Variants in PCBP3 observed in about 807,000 individuals in gnomAD.
PCBP3 encodes the protein poly(rC)-binding protein 3.
Under a neutral mutation model 52.7 loss-of-function variants are expected in PCBP3, and 25 were observed. The observed-to-expected ratio is 0.47, with a 90% CI of 0.35 to 0.66. The LOEUF (loss-of-function observed/expected upper bound fraction) is 0.66. Among genes scored for constraint, PCBP3 ranks in the 30% least tolerant of loss-of-function variants. The probability of loss-of-function intolerance (pLI) is 0.01; values close to 1 mark genes in which losing one functional copy is unlikely to be tolerated. For missense variants in PCBP3, 391 were observed against 490.3 expected (o/e 0.80, Z 1.91); for synonymous variants, 162 against 183.0 (o/e 0.89, Z 0.93).
At chr21:45,769,685 C>G (rs2089692534) in intron 4 of PCBP3, among the ~76,000 whole-genome samples, 1 of 152,222 alleles carries the variant, frequency 6.6e-6, no homozygotes, top group Non-Finnish European at 1.5e-5. Flanking sequence ...TCTCTGGGGT[C>G]CTAAAGTCCT....
intron 4 of PCBP3, among the ~76,000 whole-genome samples, chr21:45,790,437 G>T (rs1000467474): frequency 6.6e-6 from 1 of 152,192 alleles, no homozygotes; most frequent in African/African-American, 2.4e-5. Flanking sequence ...AGAGCAGTGA[G>T]CACACAGTTG....
chr21:45,787,216 AGGAT>A (rs2091223724), intron 4 of PCBP3, among the ~76,000 whole-genome samples: 1 of 152,186 alleles, frequency 6.6e-6, no homozygotes, highest in African/African-American at 2.4e-5. Context: ...GTAATTCATT[AGGAT>A]AACAGCTGGA....
chr21:45,767,601 G>T (rs541515751), intron 4 of PCBP3, among the ~76,000 whole-genome samples: 35 of 152,338 alleles, frequency 2.3e-4, no homozygotes, highest in African/African-American at 7.9e-4. Flanking sequence ...CCACCAGACC[G>T]TTTTCCACAG....
chr21:45,918,320 C>G (rs962103859), intron 13 of PCBP3: 7 of 107,558 alleles, frequency 6.5e-5, no homozygotes, highest in African/African-American at 1.9e-4. Flanking sequence ...AAGTTACCCT[C>G]AGATAAACGG....
At chr21:45,849,771 G>A (rs1049768691) in intron 4 of PCBP3, among the ~76,000 whole-genome samples, 190 bp from the exon 5 acceptor site, 1 of 152,190 alleles carries the variant, frequency 6.6e-6, no homozygotes, top group South Asian at 2.1e-4. Context: ...TTGGGGTGTT[G>A]GGGGGAAGAG....
intron 3 of PCBP3, among the ~76,000 whole-genome samples, chr21:45,746,721 TTG>T (rs1399828483): frequency 2.3e-5 from 1 of 44,232 alleles, no homozygotes; most frequent in Non-Finnish European, 4.5e-5. Flanking sequence ...GCACACGGTG[TTG>T]TGTCAGCATC....
chr21:45,713,884 T>C (rs761983969), intron 2 of PCBP3, among the ~76,000 whole-genome samples: 1 of 152,348 alleles, frequency 6.6e-6, no homozygotes, highest in Middle Eastern at 3.4e-3. Flanking sequence ...GCATGCAATA[T>C]TTTATTGTTG....
chr21:45,710,416 T>C (rs1162382997), intron 2 of PCBP3, among the ~76,000 whole-genome samples: 1 of 152,216 alleles, frequency 6.6e-6, no homozygotes, highest in Non-Finnish European at 1.5e-5. Flanking sequence ...TTTGGTTTTT[T>C]GTCCTTGCGA....
intron 5 of PCBP3, among the ~76,000 whole-genome samples, chr21:45,867,872 T>A (rs2094810880): frequency 6.6e-6 from 1 of 152,286 alleles, no homozygotes; most frequent in Non-Finnish European, 1.5e-5. Context: ...AATTCTGCTC[T>A]GTGGTAAGAG....
At chr21:45,901,729 A>AGAGAGAGAGGAAGACAGAGAGAGAGAGAT (rs2149116074) in intron 9 of PCBP3, 3 of 152,358 alleles carry the variant, frequency 2.0e-5, no homozygotes, top group Non-Finnish European at 2.9e-5. Context: ...GAGAGATGAG[A>AGAGAGAGAGGAAGACAGAGAGAGAGAGAT]GAGAGAGAGA....
chr21:45,646,103 CTCTCTGTGTGTG>C (rs1325841134), intron 1 of PCBP3, among the ~76,000 whole-genome samples: 15 of 77,006 alleles, frequency 1.9e-4, no homozygotes, highest in East Asian at 9.1e-4. Flanking sequence ...CTCTCTCTCT[CTCTCTGTGTGTG>C]TGTGTGTGTG....
At chr21:45,797,035 C>T (rs1019447001) in intron 4 of PCBP3, among the ~76,000 whole-genome samples, 1 of 152,166 alleles carries the variant, frequency 6.6e-6, no homozygotes, top group Admixed American at 6.5e-5. Context: ...TGGCTCAGTG[C>T]TCATGTTCTG....
chr21:45,652,760 T>C (rs1427545060), intron 1 of PCBP3, among the ~76,000 whole-genome samples: 3 of 152,128 alleles, frequency 2.0e-5, no homozygotes, highest in Non-Finnish European at 2.9e-5. Context: ...TAATATTTTG[T>C]TTGGAGTTTT....
At chr21:45,714,298 A>C (rs979590543) in intron 2 of PCBP3, among the ~76,000 whole-genome samples, 2 of 152,204 alleles carry the variant, frequency 1.3e-5, no homozygotes, top group African/African-American at 4.8e-5. Context: ...TTTGAGACTG[A>C]ATATGTCCAA....
intron 1 of PCBP3, among the ~76,000 whole-genome samples, chr21:45,652,999 A>G (rs1208204669): frequency 6.6e-6 from 1 of 152,160 alleles, no homozygotes; most frequent in African/African-American, 2.4e-5. Context: ...AATTTCCATT[A>G]TGGTTTTTTC....
At chr21:45,700,567 C>T (rs910265462) in intron 2 of PCBP3, among the ~76,000 whole-genome samples, 10 of 152,132 alleles carry the variant, frequency 6.6e-5, no homozygotes, top group Admixed American at 1.3e-4. Flanking sequence ...GCAAGGTGCC[C>T]GCCCAGCAAC....
chr21:45,737,104 G>A lies in PCBP3; in HGVS notation c.-162+1675G>A. On this transcript the variant is annotated intron_variant, in intron 3 of 17. Transcript: ENST00000681687. The surrounding 1 kb of genome is among the most constrained non-coding windows in gnomAD (Gnocchi z 4.9). ...CATGGGGCAGTGAGGAGGCTGCGGG[G>A]CAGGAGGTGAGAGTGCCGCGGGTTA... Among the ~76,000 whole-genome samples the A allele has an allele frequency of 6.6e-6, 1 of 152,098 alleles. No individual in the cohort carries two copies. Among genetic ancestry groups the A allele is most frequent in the African/African-American group, 2.4e-5 (1 of 41,404 alleles).
chr21:45,676,722 C>G (rs1462225888), intron 2 of PCBP3, among the ~76,000 whole-genome samples: 1 of 152,018 alleles, frequency 6.6e-6, no homozygotes, highest in East Asian at 1.9e-4. Flanking sequence ...CTTCAGTGGC[C>G]TCTACATGTT....
intron 9 of PCBP3, among the ~76,000 whole-genome samples, chr21:45,903,585 C>T (rs919707299): frequency 6.6e-6 from 1 of 151,978 alleles, no homozygotes; most frequent in African/African-American, 2.4e-5. Context: ...TCAAGAATGG[C>T]ACTAGAACGA....
Sources: allele counts gnomAD v4.1 joint callset (sites outside exome capture counted in the v4.1 genomes callset), GRCh38; gene constraint gnomAD v4.1.1; non-coding constraint Gnocchi (gnomAD v3.1); transcripts MANE v1.5; gene names NCBI Gene and HGNC (gene_info 2026-07-23, HGNC 2026-07-21).